Variants in YEATS2 observed in about 807,000 individuals in gnomAD.
YEATS2 encodes the protein YEATS domain-containing protein 2.
A neutral mutation model predicts 163.2 loss-of-function variants in YEATS2; 77 were observed. That is an observed-to-expected ratio of 0.47 (90% CI 0.39 to 0.57). YEATS2 has a LOEUF of 0.57. Ranked by LOEUF, YEATS2 falls within the 20% of genes least tolerant of loss-of-function variation. YEATS2 has a pLI of 0.00. For synonymous variants in YEATS2, 631 were observed against 645.1 expected (o/e 0.98, Z 0.33); for missense variants, 1,549 against 1,729.8 (o/e 0.90, Z 1.85).
At chr3:183,700,104 TTC>T (rs535255654) in intron 1 of YEATS2, among the ~76,000 whole-genome samples, 205 of 152,352 alleles carry the variant, frequency 1.3e-3, no homozygotes, top group Non-Finnish European at 2.6e-3. Flanking sequence ...TCTTTTCCTG[TTC>T]TCTGTCATCT....
At chr3:183,781,330 G>C (rs1456692361) in intron 19 of YEATS2, among the ~76,000 whole-genome samples, 5 of 152,166 alleles carry the variant, frequency 3.3e-5, no homozygotes, top group Admixed American at 1.3e-4. Flanking sequence ...CAGGAGCTCT[G>C]ATGTCTAAGG....
At chr3:183,794,806 G>T (rs1684986267) in intron 21 of YEATS2, among the ~76,000 whole-genome samples, 1 of 152,072 alleles carries the variant, frequency 6.6e-6, no homozygotes, top group African/African-American at 2.4e-5. Flanking sequence ...ACTTTTTAAG[G>T]CATTTATACC....
chr3:183,731,900 A>G (rs1717824742), intron 7 of YEATS2, among the ~76,000 whole-genome samples: 1 of 152,224 alleles, frequency 6.6e-6, no homozygotes, highest in African/African-American at 2.4e-5. Context: ...CCTTTACCAC[A>G]TACTTTTCCC....
intron 26 of YEATS2, chr3:183,803,636 G>A (rs1725900578): frequency 2.0e-6 from 1 of 493,176 alleles, no homozygotes. Context: ...GGGAAAGCTG[G>A]GGTAGGAGGG....
intron 18 of YEATS2, among the ~76,000 whole-genome samples, 189 bp from the exon 19 acceptor site, chr3:183,777,353 G>T (rs1723100090): frequency 6.6e-6 from 1 of 152,168 alleles, no homozygotes; most frequent in South Asian, 2.1e-4. Context: ...TTGAGAAGTG[G>T]GGATAACTAA....
intron 2 of YEATS2, among the ~76,000 whole-genome samples, chr3:183,716,059 G>C (rs949586359): frequency 2.7e-4 from 41 of 151,976 alleles, no homozygotes; most frequent in Non-Finnish European, 8.8e-5. Flanking sequence ...TCCCCGGTTC[G>C]CGCCATTCTC....
intron 8 of YEATS2, 66 bp from the exon 9 acceptor site, chr3:183,747,606 G>C (rs534321236): frequency 7.2e-7 from 1 of 1,381,788 alleles, no homozygotes; most frequent in African/African-American, 1.4e-5. Flanking sequence ...GATAAAGATT[G>C]TATCCTATGA....
intron 24 of YEATS2, 169 bp from the exon 25 acceptor site, chr3:183,801,286 T>C: frequency 2.0e-6 from 1 of 492,660 alleles, no homozygotes; most frequent in South Asian, 3.7e-5. Flanking sequence ...AGAACACCCC[T>C]CCTTTACAAA....
At position 183,786,168 on chromosome 3, in the gene YEATS2, G is replaced by A. The variant is rs1724042724; in HGVS notation, c.2780G>A (p.Ser927Asn). 5.0e-6 allele frequency: 8 copies of A among 1,613,960 alleles called. No individual in the cohort carries two copies. Among genetic ancestry groups the A allele is most frequent in the Non-Finnish European group, 5.9e-6 (7 of 1,179,962 alleles). ...GCATCTCTAATGAAAATATCCGATA[G>A]CACCTTGAAGACTGTGCCAGCCACC... ...GQASLMKISD[S>N]TLKTVPATSQ... The change falls in exon 20 of 31, where the codon AGC becomes AAC. Residue 927 changes from serine to asparagine, a missense_variant. Ser to Asn is a conservative substitution (Grantham distance 46). Transcript: ENST00000305135.
intron 12 of YEATS2, among the ~76,000 whole-genome samples, 183 bp downstream of exon 12, chr3:183,756,872 A>G (rs1376544453): frequency 6.6e-6 from 1 of 152,212 alleles, no homozygotes; most frequent in Non-Finnish European, 1.5e-5. Flanking sequence ...TAAAAGTTGC[A>G]TTTTTTAGAA....
At chr3:183,746,836 G>C (rs997641249) in intron 8 of YEATS2, among the ~76,000 whole-genome samples, 1 of 151,918 alleles carries the variant, frequency 6.6e-6, no homozygotes, top group African/African-American at 2.4e-5. Flanking sequence ...TCAGCCAGAC[G>C]TGACACCTAC....
intron 1 of YEATS2, among the ~76,000 whole-genome samples, chr3:183,708,230 C>T (rs1311564012): frequency 3.5e-5 from 5 of 144,310 alleles, no homozygotes; most frequent in Admixed American, 2.2e-4. Flanking sequence ...GGCACGATCT[C>T]GGCTCACTGC....
At chr3:183,806,583 G>C in intron 27 of YEATS2, 1 of 465,594 alleles carries the variant, frequency 2.1e-6, no homozygotes, top group Non-Finnish European at 4.0e-6. Context: ...CTCAGAGGGA[G>C]GGGGATGACC....
At position 183,715,272 on chromosome 3, in the gene YEATS2, C is replaced by T; in HGVS notation, c.100+10C>T. On this transcript the variant is annotated intron_variant, in intron 2 of 30. Transcript: ENST00000305135. ...GCAATTGAGAATTCAGGTAGAAATC[C>T]TGCCTTAGGAAATTATTTCTTTATT... is the stretch of plus-strand genomic sequence containing the variant. 2 of 1,590,472 alleles carry T rather than the reference C, an allele frequency of 1.3e-6. No homozygotes were observed. Among genetic ancestry groups the T allele is most frequent in the Non-Finnish European group, 8.6e-7 (1 of 1,166,314 alleles).
intron 24 of YEATS2, 22 bp downstream of exon 24, chr3:183,800,590 A>G: frequency 6.3e-7 from 1 of 1,598,954 alleles, no homozygotes; most frequent in Non-Finnish European, 8.6e-7. Flanking sequence ...AATCTTTCCT[A>G]AAGGAATTCC....
intron 19 of YEATS2, among the ~76,000 whole-genome samples, chr3:183,782,022 T>A (rs764536248): frequency 2.6e-5 from 4 of 152,254 alleles, no homozygotes; most frequent in Non-Finnish European, 5.9e-5. Context: ...CTTTTATGTC[T>A]GGCTTCTGTT....
chr3:183,800,963 C>T, intron 24 of YEATS2: 1 of 179,776 alleles, frequency 5.6e-6, no homozygotes, highest in Non-Finnish European at 1.2e-5. Context: ...GGGCTATATA[C>T]ACTCTTTGCT....
chr3:183,792,122 G>A (rs926978883), intron 21 of YEATS2, among the ~76,000 whole-genome samples: 2 of 152,088 alleles, frequency 1.3e-5, no homozygotes, highest in Non-Finnish European at 2.9e-5. Flanking sequence ...TGTGAAAACC[G>A]AAGATTTTAT....
intron 19 of YEATS2, among the ~76,000 whole-genome samples, chr3:183,783,181 A>T (rs554634842): frequency 6.6e-6 from 1 of 152,364 alleles, no homozygotes; most frequent in East Asian, 1.9e-4. Context: ...CTAAGACAGG[A>T]CTAAAACCTA....
Sources: gnomAD v4.1 joint callset for allele counts (sites outside exome capture counted in the v4.1 genomes callset) on GRCh38, gnomAD v4.1.1 for gene constraint, MANE v1.5 for transcripts, NCBI Gene and HGNC (gene_info 2026-07-23, HGNC 2026-07-21) for gene names.